Variants in PACRGL observed in about 807,000 individuals in gnomAD.
PACRGL encodes parkin coregulated like.
In PACRGL, 38 loss-of-function variants were observed where a neutral mutation model predicts 34.5. The ratio of observed to expected loss-of-function variants is 1.10; its 90% CI spans 0.85 to 1.44. The LOEUF (loss-of-function observed/expected upper bound fraction) is 1.44, where lower values mean the gene tolerates loss of function less well. Ranked by LOEUF, PACRGL falls within the 40% of genes most tolerant of loss-of-function variation. PACRGL has a pLI of 0.00. For synonymous variants in PACRGL, 128 were observed against 100.1 expected (o/e 1.28, Z -1.66); for missense variants, 305 against 281.4 (o/e 1.08, Z -0.60).
At position 20,704,514 on chromosome 4, in the gene PACRGL, G is replaced by GT. The variant is rs759064077; in HGVS notation, c.35dup (p.Leu12PhefsTer8). On this transcript the variant is annotated frameshift_variant, in exon 2 of 9. Transcript: ENST00000503585. LOFTEE classifies it high-confidence loss of function. ...AATCAGAGGGCTCTGGAGGTACACAGTTGAAAAACAGAGCAACAGGTACAG... is the reference window on the plus strand; with the variant it reads ...AATCAGAGGGCTCTGGAGGTACACAGTTTGAAAAACAGAGCAACAGGTACAG... 6.2e-7 allele frequency: 1 copy of GT among 1,614,034 alleles called. No homozygotes were observed. The highest frequency in any genetic ancestry group is 1.1e-5 in the South Asian group (1 of 91,066).
intron 8 of PACRGL, among the ~76,000 whole-genome samples, chr4:20,741,292 T>A (rs375607515): frequency 6.6e-6 from 1 of 151,984 alleles, no homozygotes; most frequent in Admixed American, 6.6e-5. Flanking sequence ...TACGTCACAC[T>A]TATTCCAAAA....
chr4:20,703,486 GTGTGTGTGTGTGTGTGTGTGTGTGTT>G (rs1257189959), intron 1 of PACRGL, among the ~76,000 whole-genome samples: 2 of 136,140 alleles, frequency 1.5e-5, no homozygotes, highest in East Asian at 2.6e-4. Flanking sequence ...GAGTGTGTGT[GTGTGTGTGTGTGTGTGTGTGTGTGTT>G]TGTGTGTGTG....
intron 8 of PACRGL, among the ~76,000 whole-genome samples, chr4:20,752,055 GTTTT>G (rs33912651): frequency 2.5e-5 from 3 of 121,670 alleles, no homozygotes; most frequent in South Asian, 5.9e-4. Context: ...ACTTCATAGA[GTTTT>G]TTTTTTTTTT....
intron 7 of PACRGL, among the ~76,000 whole-genome samples, chr4:20,722,302 G>A (rs1014499323): frequency 6.6e-6 from 1 of 152,216 alleles, no homozygotes; most frequent in Non-Finnish European, 1.5e-5. Flanking sequence ...CCCTGCTTCG[G>A]CTCACACTTG....
At chr4:20,713,079 T>TA (rs1738064716) in intron 6 of PACRGL, 157 bp downstream of exon 6, 1 of 751,078 alleles carries the variant, frequency 1.3e-6, no homozygotes, top group South Asian at 3.0e-5. Flanking sequence ...AGGCAACTGT[T>TA]ACTCAGGGCC....
In PACRGL at chr4:20,707,806, G is replaced by T. The variant is rs1192828901; in HGVS notation, c.211G>T (p.Gly71Cys). Residue 71 changes from glycine to cysteine, a missense_variant, in exon 4 of 9, where the codon GGT becomes TGT. By Grantham distance (159) the Gly-to-Cys change is radical. Transcript: ENST00000503585. ...ATATTTTCATTTTTTATTTTAGTTTGGTGAACAGTCACGAGTGCCTTCTGC... is the reference window on the plus strand; with the variant it reads ...ATATTTTCATTTTTTATTTTAGTTTTGTGAACAGTCACGAGTGCCTTCTGC... ...KLNPKTINPF[G>C]EQSRVPSAFA... The T allele has an allele frequency of 6.2e-7, 1 of 1,612,648 alleles. No homozygotes were observed. Among genetic ancestry groups the T allele is most frequent in the Admixed American group, 1.7e-5 (1 of 59,986 alleles).
the PACRGL span, among the ~76,000 whole-genome samples, chr4:20,761,563 C>T: frequency 5.3e-5 from 8 of 152,268 alleles, 1 homozygote; most frequent in Admixed American, 5.2e-4. Flanking sequence ...ATACCTGGCT[C>T]TCTGCCATCA....
At chr4:20,764,425 G>A in the PACRGL span, among the ~76,000 whole-genome samples, 1 of 151,768 alleles carries the variant, frequency 6.6e-6, no homozygotes, top group Non-Finnish European at 1.5e-5. Context: ...GGCGATTTTG[G>A]CATTTTTGCA....
In PACRGL at chr4:20,700,591, C is replaced by T. The variant is rs1283718486; in HGVS notation, c.-213C>T. 2 of 152,058 alleles carry T rather than the reference C, an allele frequency of 1.3e-5. No individual in the cohort carries two copies. Among genetic ancestry groups the T allele is most frequent in the African/African-American group, 2.4e-5 (1 of 41,400 alleles). 9.4% of individuals were successfully genotyped at this position (152,058 alleles called of 1,614,324 possible). Reference sequence around the variant, plus strand: ...GGAGAGAGGCGCGGTAGGAACGGGTCCCCGGAGCCGTGAACCGCGGGTACA... The same window carrying T: ...GGAGAGAGGCGCGGTAGGAACGGGTTCCCGGAGCCGTGAACCGCGGGTACA... On this transcript the variant is annotated 5_prime_UTR_variant, in exon 1 of 9. Transcript: ENST00000503585.
At chr4:20,718,423 A>G (rs1341249886) in intron 7 of PACRGL, among the ~76,000 whole-genome samples, 1 of 152,130 alleles carries the variant, frequency 6.6e-6, no homozygotes, top group African/African-American at 2.4e-5. Flanking sequence ...TTCAAAGGGA[A>G]TGCTTCCAGT....
the PACRGL span, among the ~76,000 whole-genome samples, chr4:20,763,309 A>G: frequency 5.9e-5 from 9 of 152,132 alleles, no homozygotes; most frequent in African/African-American, 2.2e-4. Flanking sequence ...ACAGTTAAAA[A>G]CCACGTAGTA....
chr4:20,765,262 G>A, the PACRGL span, among the ~76,000 whole-genome samples: 1 of 152,024 alleles, frequency 6.6e-6, no homozygotes. Flanking sequence ...CTTGCCTTCT[G>A]GATTATTACT....
intron 4 of PACRGL, among the ~76,000 whole-genome samples, chr4:20,709,016 G>T (rs1184191576): frequency 6.6e-6 from 1 of 151,890 alleles, no homozygotes; most frequent in East Asian, 1.9e-4. Context: ...GTGCATGCCT[G>T]TAATCCCAGC....
At chr4:20,699,385 T>C (rs1275185229), upstream of PACRGL, among the ~76,000 whole-genome samples, 1 of 152,148 alleles carries the variant, frequency 6.6e-6, no homozygotes, top group Admixed American at 6.6e-5. Context: ...GTATGCAAGG[T>C]TCACAGAACA....
downstream of PACRGL, among the ~76,000 whole-genome samples, chr4:20,733,578 T>C (rs1266173917): frequency 6.6e-6 from 1 of 152,176 alleles, no homozygotes; most frequent in African/African-American, 2.4e-5. Context: ...GTTTTAAGCA[T>C]AGATAAGTAG....
At chr4:20,738,999 A>G (rs1750387174) in intron 8 of PACRGL, among the ~76,000 whole-genome samples, 1 of 152,162 alleles carries the variant, frequency 6.6e-6, no homozygotes, top group South Asian at 2.1e-4. Flanking sequence ...GCTATCACAG[A>G]AGTCCGAGAT....
chr4:20,759,492 G>A, the PACRGL span, among the ~76,000 whole-genome samples: 1 of 152,062 alleles, frequency 6.6e-6, no homozygotes, highest in Non-Finnish European at 1.5e-5. Flanking sequence ...GCCTGGCCTG[G>A]GCTTAATAGA....
intron 8 of PACRGL, among the ~76,000 whole-genome samples, chr4:20,749,189 C>A (rs534097532): frequency 1.7e-4 from 26 of 150,882 alleles, no homozygotes; most frequent in African/African-American, 6.3e-4. Context: ...CTCTACAGAT[C>A]ACTTAAAGTT....
At chr4:20,759,127 T>C in the PACRGL span, among the ~76,000 whole-genome samples, 36 of 152,308 alleles carry the variant, frequency 2.4e-4, 1 homozygote, top group Admixed American at 2.2e-3. Context: ...GTAGGTGTAA[T>C]GTATTCAGAA....
Sources: gnomAD v4.1 joint callset for allele counts (sites outside exome capture counted in the v4.1 genomes callset) on GRCh38, gnomAD v4.1.1 for gene constraint, MANE v1.5 for transcripts, NCBI Gene and HGNC (gene_info 2026-07-23, HGNC 2026-07-21) for gene names.